The following SOX30 variants were observed in gnomAD, a reference collection of about 807,000 sequenced individuals.
SOX30 encodes transcription factor SOX-30.
SOX30 carries 17 observed loss-of-function variants against 58.6 expected under a neutral mutation model. That is an observed-to-expected ratio of 0.29 (90% confidence interval 0.20 to 0.44). SOX30 has a LOEUF of 0.44. Among genes scored for constraint, SOX30 ranks in the 20% least tolerant of loss-of-function variants. SOX30 has a pLI of 1.00. For missense variants in SOX30, 951 were observed against 965.8 expected (o/e 0.98, Z 0.20); for synonymous variants, 421 against 400.2 (o/e 1.05, Z -0.62).
chr5:157,646,804 T>C lies in SOX30; in HGVS notation c.1220A>G (p.Gln407Arg), dbSNP rs1293071091. 6.2e-7 allele frequency: 1 copy of C among 1,613,584 alleles called. No homozygotes were observed. The highest frequency in any genetic ancestry group is 1.7e-5 in the Admixed American group (1 of 59,978). The change falls in exon 3 of 5, where the codon CAG becomes CGG. Residue 407 changes from glutamine to arginine, a missense_variant. Physicochemically the swap from Gln to Arg is conservative, Grantham distance 43. Transcript: ENST00000265007. ...HREEFPGWVY[Q>R]PRPGKRKRFP... ...TCGTTTTCGCTTCCCTGGACGAGGC[T>C]GATAAACCCAACCTATAGAAGACAA...
At chr5:157,660,281 G>C (rs62387676) in intron 2 of SOX30, among the ~76,000 whole-genome samples, 13,443 of 152,186 alleles carry the variant, frequency 0.088, 759 homozygotes, top group South Asian at 0.13. Flanking sequence ...AATTAGCCAG[G>C]TGTGATGGCC....
Position 157,648,727 on chromosome 5 carries a change from A to G in SOX30, c.1137T>C (p.Ser379=), listed in dbSNP as rs984042586. The stretch of plus-strand genomic sequence containing the variant: ...CGTAATAGGGTTTCTTTTGTTCTTC[A>G]CTAAGTTTGTTCCACTCTAACCCAA... ...VQLGLEWNKL[S]EEQKKPYYDE... is the part of the protein sequence containing the mutation. Residue 379 remains serine, a synonymous_variant, in exon 2 of 5, where the codon AGT becomes AGC. Coordinates refer to ENST00000265007, the MANE Select transcript of SOX30 (RefSeq NM_178424.2). 6.2e-7 allele frequency: 1 copy of G among 1,613,418 alleles called. No individual in the cohort carries two copies. The highest frequency in any genetic ancestry group is 8.5e-7 in the Non-Finnish European group (1 of 1,179,948).
At position 157,652,144 on chromosome 5, in the gene SOX30, C is replaced by G. The variant is rs188639331; in HGVS notation, c.-66G>C. 3.3e-3 allele frequency: 4,511 copies of G among 1,381,102 alleles called. 12 individuals are homozygous for G. The highest frequency in any genetic ancestry group is 6.1e-3 in the South Asian group (350 of 57,278). 85.6% of individuals were successfully genotyped at this position (1,381,102 alleles called of 1,614,324 possible). Reference sequence around the variant, plus strand: ...GTTTGTTGGCGACCTTCCCCCTCCCCCTTTCGGTTAAGAGCCTTGCAAGGC... The same window carrying G: ...GTTTGTTGGCGACCTTCCCCCTCCCGCTTTCGGTTAAGAGCCTTGCAAGGC... On this transcript the variant is annotated 5_prime_UTR_variant, in exon 1 of 5. Coordinates refer to ENST00000265007, the MANE Select transcript of SOX30 (RefSeq NM_178424.2).
At position 157,652,372 on chromosome 5, in the gene SOX30, T is replaced by C. The variant is rs1279885023; in HGVS notation, c.-294A>G. 8.7e-7 allele frequency: 1 copy of C among 1,144,434 alleles called. No homozygotes were observed. Among genetic ancestry groups the C allele is most frequent in the Admixed American group, 4.8e-5 (1 of 20,808 alleles). 70.9% of individuals were successfully genotyped at this position (1,144,434 alleles called of 1,614,324 possible). ...ACTTGTTGCACATTTTCGTTCTGACTCTCTTGTGGAGTTCTCTTACAGCCG... is the reference window on the plus strand; with the variant it reads ...ACTTGTTGCACATTTTCGTTCTGACCCTCTTGTGGAGTTCTCTTACAGCCG... On this transcript the variant is annotated 5_prime_UTR_variant, in exon 1 of 5. Coordinates refer to ENST00000265007, the MANE Select transcript of SOX30 (RefSeq NM_178424.2).
At chr5:157,627,619 A>G (rs568753296) in intron 4 of SOX30, among the ~76,000 whole-genome samples, 6 of 152,220 alleles carry the variant, frequency 3.9e-5, no homozygotes, top group Non-Finnish European at 8.8e-5. Flanking sequence ...ATAGTAAACT[A>G]TGGTCTTAAA....
At chr5:157,646,144 G>C (rs917259191) in intron 3 of SOX30, among the ~76,000 whole-genome samples, 16 of 152,060 alleles carry the variant, frequency 1.1e-4, no homozygotes, top group African/African-American at 3.9e-4. Flanking sequence ...AGAACTCAGA[G>C]GAGACATTTA....
At chr5:157,643,656 C>G (rs1012337904) in intron 3 of SOX30, among the ~76,000 whole-genome samples, 7 of 151,958 alleles carry the variant, frequency 4.6e-5, no homozygotes, top group Non-Finnish European at 1.0e-4. Context: ...ACAAAGCTTG[C>G]TACAGAAAAA....
At chr5:157,664,040 T>C (rs1228573849) in intron 2 of SOX30, among the ~76,000 whole-genome samples, 1 of 148,906 alleles carries the variant, frequency 6.7e-6, no homozygotes, top group Non-Finnish European at 1.5e-5. Flanking sequence ...AATTTATAGA[T>C]TCAATGCCAT....
rs187441151 is a variant in SOX30, at chr5:157,641,991, A to G, written c.1388-3269T>C. ...ACAGGACAAGTGATCGATTAGAACA[A>G]AAAGGTTTGGTAGAATACACAGTAA... On this transcript the variant is annotated intron_variant, in intron 3 of 4. Coordinates refer to ENST00000265007, the MANE Select transcript of SOX30 (RefSeq NM_178424.2). Among the ~76,000 whole-genome samples, 22 of 152,280 alleles carry G rather than the reference A, an allele frequency of 1.4e-4. No individual in the cohort carries two copies. The East Asian group carries it at 4.0e-3, about 28-fold the overall frequency.
At chr5:157,631,487 G>A (rs1438440104) in intron 4 of SOX30, among the ~76,000 whole-genome samples, 6 of 152,242 alleles carry the variant, frequency 3.9e-5, no homozygotes, top group East Asian at 1.9e-4. Flanking sequence ...TGAGCTGGGC[G>A]CGGTGGCTCA....
intron 2 of SOX30, among the ~76,000 whole-genome samples, chr5:157,658,071 A>G (rs1561589158): frequency 6.6e-6 from 1 of 152,360 alleles, no homozygotes; most frequent in East Asian, 1.9e-4. Context: ...TGGGACCCCA[A>G]GAGGAGGGGA....
In SOX30 at chr5:157,651,836, T is replaced by TGGGCCTG; in HGVS notation, c.242_243insCAGGCCC (p.Pro82ArgfsTer82). 6.3e-7 allele frequency: 1 copy of TGGGCCTG among 1,586,012 alleles called. No homozygotes were observed. The highest frequency in any genetic ancestry group is 8.5e-7 in the Non-Finnish European group (1 of 1,170,308). On this transcript the variant is annotated frameshift_variant, in exon 1 of 5. Transcript: ENST00000265007. LOFTEE classifies it high-confidence loss of function. ...CCTCGTTCTGGGCCTGAGGCTGTGGTAGCAGCAACACCTGCTCTGGCTTCA... is the reference window on the plus strand; with the variant it reads ...CCTCGTTCTGGGCCTGAGGCTGTGGTGGGCCTGAGCAGCAACACCTGCTCTGGCTTCA...
At chr5:157,670,664 G>A (rs1019881852) in intron 1 of SOX30, among the ~76,000 whole-genome samples, 2 of 152,094 alleles carry the variant, frequency 1.3e-5, no homozygotes, top group African/African-American at 2.4e-5. Flanking sequence ...ATAGCAACTC[G>A]TTAGCAGTTC....
intron 2 of SOX30, among the ~76,000 whole-genome samples, chr5:157,647,306 C>CCGTCT (rs1684928637): frequency 6.6e-6 from 1 of 152,050 alleles, no homozygotes; most frequent in Non-Finnish European, 1.5e-5. Context: ...CGTGATCCGC[C>CCGTCT]CGTCTCGGCC....
At chr5:157,659,174 TTTAC>T (rs1759532301) in intron 2 of SOX30, among the ~76,000 whole-genome samples, 1 of 152,268 alleles carries the variant, frequency 6.6e-6, no homozygotes, top group African/African-American at 2.4e-5. Context: ...CTTTTATTGC[TTTAC>T]TTTCTTAAAC....
intron 3 of SOX30, among the ~76,000 whole-genome samples, chr5:157,641,035 T>C (rs1224193818): frequency 6.6e-6 from 1 of 152,174 alleles, no homozygotes; most frequent in East Asian, 1.9e-4. Context: ...CCTGGCCTCT[T>C]GTTAATTTCT....
intron 2 of SOX30, among the ~76,000 whole-genome samples, chr5:157,664,840 T>A (rs1326308290): frequency 4.6e-5 from 7 of 152,020 alleles, no homozygotes; most frequent in Non-Finnish European, 7.4e-5. Context: ...AACAGACACA[T>A]GAAAAAATGC....
At chr5:157,649,615 C>A (rs1759278388) in intron 1 of SOX30, among the ~76,000 whole-genome samples, 1 of 151,868 alleles carries the variant, frequency 6.6e-6, no homozygotes, top group South Asian at 2.1e-4. Flanking sequence ...CATGATGAAA[C>A]CCCATCTCTA....
intron 2 of SOX30, among the ~76,000 whole-genome samples, chr5:157,658,504 C>T (rs1759521734): frequency 2.0e-5 from 3 of 152,194 alleles, no homozygotes; most frequent in Admixed American, 6.5e-5. Flanking sequence ...TATTCTAATT[C>T]TGAGCACACT....
Sources: allele counts gnomAD v4.1 joint callset (sites outside exome capture counted in the v4.1 genomes callset), GRCh38; gene constraint gnomAD v4.1.1; transcripts MANE v1.5; gene names NCBI Gene and HGNC (gene_info 2026-07-23, HGNC 2026-07-21).